Variants in CTC1 observed in about 807,000 individuals in gnomAD.
The protein encoded by CTC1 is CST telomere replication complex component 1, also known as CST complex subunit CTC1.
In CTC1, 91 loss-of-function variants were observed where a neutral mutation model predicts 136.3. The ratio of observed to expected loss-of-function variants is 0.67; its 90% confidence interval spans 0.56 to 0.79. The LOEUF is 0.79. CTC1 is among the 30% of genes least tolerant of loss of function. CTC1 has a pLI of 0.00. For missense variants in CTC1, 1,432 were observed against 1,498.1 expected, an observed-to-expected ratio of 0.96 and a Z score of 0.73; for synonymous variants, 606 against 613.8, an observed-to-expected ratio of 0.99 and a Z score of 0.19.
Position 8,232,320 on chromosome 17 carries a change from T to TC in CTC1, c.2060+40dup, listed in dbSNP as rs750523831. 4.7e-5 allele frequency: 74 copies of TC among 1,591,234 alleles called. No homozygotes were observed. In the East Asian group the frequency reaches 1.6e-3, roughly 34 times the overall value. Reference sequence around the variant, plus strand: ...CCACTCCTTCCACCAGGCCCTTCCTTCCCCCCAGACTCAAGACAACCATGA... The same window carrying TC: ...CCACTCCTTCCACCAGGCCCTTCCTTCCCCCCCAGACTCAAGACAACCATGA... On this transcript the variant is annotated intron_variant, in intron 12 of 22. Transcript: ENST00000651323.
intron 2 of CTC1, among the ~76,000 whole-genome samples, chr17:8,239,653 C>G (rs1988047470): frequency 6.6e-5 from 10 of 151,940 alleles, no homozygotes; most frequent in Admixed American, 6.6e-4. Flanking sequence ...AACTCCTGAC[C>G]TCAGGTGATC....
rs201560353 is a variant in CTC1 at position 8,234,781 on chromosome 17, G to A, written c.1585C>T (p.Leu529Phe). 1.9e-6 allele frequency: 3 copies of A among 1,604,366 alleles called. No homozygotes were observed. Among genetic ancestry groups the A allele is most frequent in the Middle Eastern group, 1.7e-4 (1 of 6,044 alleles). ...AGGGGACAGTGATGTGGCTCTTCAA[G>A]GATCTCATTGTGTGCATTCCGAACA... ...SPVRNAHNEI[L>F]EEPHHCPLQK... The change falls in exon 9 of 23, where the codon CTT (leucine) becomes TTT (phenylalanine). Residue 529 changes from leucine (L) to phenylalanine (F), a missense_variant. Transcript: ENST00000651323.
At position 8,236,080 on chromosome 17, in the gene CTC1, T is replaced by G; in HGVS notation, c.1055A>C (p.Tyr352Ser). ...DKKDPESLVR[Y>S]SRLLSYSGAV... Reference sequence around the variant, plus strand: ...CACCGAATAGGATAGGAGTCTAGAATACCGGACAAGACTTTCTGGATCCTT... The same window carrying G: ...CACCGAATAGGATAGGAGTCTAGAAGACCGGACAAGACTTTCTGGATCCTT... The change falls in exon 6 of 23, where the codon TAT (tyrosine) becomes TCT (serine). Residue 352 changes from tyrosine (Y) to serine (S), a missense_variant. Transcript: ENST00000651323. The G allele has an allele frequency of 1.9e-6, 3 of 1,614,088 alleles. No homozygotes were observed. The highest frequency in any genetic ancestry group is 2.5e-6 in the Non-Finnish European group (3 of 1,179,924).
intron 2 of CTC1, among the ~76,000 whole-genome samples, chr17:8,241,766 T>C (rs1988236208): frequency 2.0e-5 from 3 of 150,638 alleles, no homozygotes; most frequent in East Asian, 2.0e-4. Flanking sequence ...GGCAGGAGAA[T>C]TGCTTGAGCC....
intron 1 of CTC1, among the ~76,000 whole-genome samples, chr17:8,244,958 C>T (rs142684688): frequency 0.015 from 2,346 of 152,224 alleles, 71 homozygotes; most frequent in Admixed American, 0.08. Context: ...TGGAATACTA[C>T]GCAGCCATAA....
At position 8,243,026 on chromosome 17, in the gene CTC1, G is replaced by A. The variant is rs758063036; in HGVS notation, c.156C>T (p.Ser52=). The change falls in exon 2 of 23, where the codon TCC becomes TCT. Residue 52 remains serine, a synonymous_variant. Coordinates refer to ENST00000651323, the MANE Select transcript of CTC1 (RefSeq NM_025099.6). ...VIDCVKTVWL[S]QGRNQGSTLP... is the part of the protein sequence containing the mutation. Reference sequence around the variant, plus strand: ...GTGTAGAACCTTGGTTCCTTCCCTGGGACAACCAGACAGTCTTCACACAAT... The same window carrying A: ...GTGTAGAACCTTGGTTCCTTCCCTGAGACAACCAGACAGTCTTCACACAAT... The A allele has an allele frequency of 2.5e-6, 4 of 1,613,340 alleles. No individual in the cohort carries two copies. The Admixed American group carries it at 6.7e-5, about 27-fold the overall frequency.
rs948407926 is a variant in CTC1 at position 8,225,042 on chromosome 17, T to G, written c.*3138A>C. On this transcript the variant is annotated 3_prime_UTR_variant, in exon 23 of 23. Coordinates refer to ENST00000651323, the MANE Select transcript of CTC1 (RefSeq NM_025099.6). ...TTAGTAGAGACGAGGTTTCACTATG[T>G]TACCAGGTTTCACTATGTTGGCCAG... The G allele has an allele frequency of 6.6e-5, 10 of 152,214 alleles. No individual in the cohort carries two copies. The highest frequency in any genetic ancestry group is 2.0e-4 in the Admixed American group (3 of 15,268). 9.4% of individuals were successfully genotyped at this position (152,214 alleles called of 1,614,324 possible). A position where few individuals can be genotyped will look rare whatever the true frequency, so the allele number is the denominator to read the frequency against.
intron 2 of CTC1, among the ~76,000 whole-genome samples, chr17:8,242,037 AT>A (rs902442009): frequency 1.1e-4 from 12 of 111,824 alleles, no homozygotes; most frequent in African/African-American, 2.8e-4. Flanking sequence ...TATTATTATT[AT>A]TTTTTTTTAA....
At chr17:8,235,773 A>G in intron 7 of CTC1, 58 bp downstream of exon 7, 9 of 1,523,736 alleles carry the variant, frequency 5.9e-6, no homozygotes, top group Non-Finnish European at 8.0e-6. Flanking sequence ...AAAGGAGCCT[A>G]TGAAGGTAAG....
At position 8,226,692 on chromosome 17, in the gene CTC1, G is replaced by C. The variant is rs548364566; in HGVS notation, c.*1488C>G. On this transcript the variant is annotated 3_prime_UTR_variant, in exon 23 of 23. Transcript: ENST00000651323. ...GCCTTAACCACTCGGCCACGACTAC[G>C]AGGCTTAGGGCTTCGTTTTCATCCA... 2.6e-5 allele frequency: 4 copies of C among 152,194 alleles called. No individual in the cohort carries two copies. Among genetic ancestry groups the C allele is most frequent in the South Asian group, 2.1e-4 (1 of 4,834 alleles). 9.4% of individuals were successfully genotyped at this position (152,194 alleles called of 1,614,324 possible).
At chr17:8,243,242 G>C in intron 1 of CTC1, 94 bp from the exon 2 acceptor site, 2 of 1,220,388 alleles carry the variant, frequency 1.6e-6, no homozygotes, top group Non-Finnish European at 2.3e-6. Context: ...TATCCGGGCC[G>C]GGTGCGGTGG....
Position 8,228,120 on chromosome 17 carries a change from A to G in CTC1, c.*60T>C, listed in dbSNP as rs1597371854. 2.0e-6 allele frequency: 3 copies of G among 1,535,054 alleles called. No individual in the cohort carries two copies. The East Asian group carries it at 6.8e-5, about 35-fold the overall frequency. ...CACAGAACAAGTAGGGAGAGGAGCC[A>G]GGACCTAGGCCTTCAGGTTTTCAGC... On this transcript the variant is annotated 3_prime_UTR_variant, in exon 23 of 23. Transcript: ENST00000651323.
rs761493927 is a variant in CTC1 at position 8,228,177 on chromosome 17, C to A, written c.*3G>T. On this transcript the variant is annotated 3_prime_UTR_variant, in exon 23 of 23. Transcript: ENST00000651323. ...GGACTCTCAGGCCATCCTTGCAGTT[C>A]AGTTAACAGGAGGAAGCAAGGATCC... 13 of 1,613,300 alleles carry A rather than the reference C, an allele frequency of 8.1e-6. No homozygotes were observed. The highest frequency in any genetic ancestry group is 1.1e-5 in the Non-Finnish European group (13 of 1,179,554).
intron 2 of CTC1, among the ~76,000 whole-genome samples, chr17:8,240,156 C>T (rs78562404): frequency 9.3e-5 from 13 of 139,992 alleles, no homozygotes; most frequent in Non-Finnish European, 2.0e-4. Flanking sequence ...AGAACTGTCT[C>T]TTTTTTTTTT....
chr17:8,241,391 C>T (rs1013983615), intron 2 of CTC1, among the ~76,000 whole-genome samples: 14 of 151,574 alleles, frequency 9.2e-5, no homozygotes, highest in African/African-American at 2.4e-4. Flanking sequence ...AAGACCGAGA[C>T]GGCAGATCAC....
Position 8,234,592 on chromosome 17 carries a change from G to C in CTC1, c.1681C>G (p.Arg561Gly). Residue 561 changes from arginine to glycine, a missense_variant, in exon 10 of 23, where the codon CGT (arginine) becomes GGT (glycine). By Grantham distance (125) the Arg-to-Gly change is moderately radical. Transcript: ENST00000651323. ...TLATLKEEGQ[R>G]KAWASFDPKA... ...GGGTCAAAGGAGGCCCAGGCCTTAC[G>C]CTGTCCTTCTTCTTTCAGGGTGGCC... 1.2e-6 allele frequency: 2 copies of C among 1,610,674 alleles called. No homozygotes were observed. The highest frequency in any genetic ancestry group is 1.7e-6 in the Non-Finnish European group (2 of 1,178,506).
In CTC1 at chr17:8,226,979, A is replaced by G. The variant is rs886053603; in HGVS notation, c.*1201T>C. The G allele has an allele frequency of 3.9e-5, 6 of 152,480 alleles. No homozygotes were observed. The highest frequency in any genetic ancestry group is 8.8e-5 in the Non-Finnish European group (6 of 68,038). The allele number at this position is 152,480 out of a possible 1,614,324, so 9.4% of individuals were successfully genotyped here. ...TCAGAAAACAAAACACACACAAAAA[A>G]AAGCCACCCACTGGCCCGTACGGGG... On this transcript the variant is annotated 3_prime_UTR_variant, in exon 23 of 23. Coordinates refer to ENST00000651323, the MANE Select transcript of CTC1 (RefSeq NM_025099.6).
At chr17:8,229,066 C>A in intron 20 of CTC1, 76 bp downstream of exon 20, 1 of 1,521,298 alleles carries the variant, frequency 6.6e-7, no homozygotes, top group Non-Finnish European at 9.0e-7. Flanking sequence ...AGGAATTATG[C>A]TAATGTAGAA....
At position 8,226,370 on chromosome 17, in the gene CTC1, G is replaced by C. The variant is rs1382489637; in HGVS notation, c.*1810C>G. The C allele has an allele frequency of 6.6e-6, 1 of 152,178 alleles. No individual in the cohort carries two copies. The highest frequency in any genetic ancestry group is 2.4e-5 in the African/African-American group (1 of 41,458). 9.4% of individuals were successfully genotyped at this position (152,178 alleles called of 1,614,324 possible). A position where few individuals can be genotyped will look rare whatever the true frequency, so the allele number is the denominator to read the frequency against. On this transcript the variant is annotated 3_prime_UTR_variant, in exon 23 of 23. Coordinates refer to ENST00000651323, the MANE Select transcript of CTC1 (RefSeq NM_025099.6). ...GAATATAGAGCTAGGAACCCGGACC[G>C]AGCTTTTTCAGATCTTTCTAGAACT...
Sources: gnomAD v4.1 joint callset for allele counts (sites outside exome capture counted in the v4.1 genomes callset) on GRCh38, gnomAD v4.1.1 for gene constraint, MANE v1.5 for transcripts, NCBI Gene and HGNC (gene_info 2026-07-23, HGNC 2026-07-21) for gene names.